The following SMG5 variants were observed in gnomAD, a reference collection of about 807,000 sequenced individuals.
The protein encoded by SMG5 is nonsense-mediated mRNA decay factor SMG5.
SMG5 carries 53 observed loss-of-function variants against 122.9 expected under a neutral mutation model. The observed-to-expected ratio is 0.43, with a 90% CI of 0.35 to 0.54. The LOEUF (loss-of-function observed/expected upper bound fraction) is 0.54. Ranked by LOEUF, SMG5 falls within the 20% of genes least tolerant of loss-of-function variation. The pLI, the probability that SMG5 is intolerant of heterozygous loss-of-function variation, is 0.01. For missense variants in SMG5, 1,153 were observed against 1,285.6 expected (o/e 0.90, Z 1.58); for synonymous variants, 477 against 490.2 (o/e 0.97, Z 0.35).
In SMG5 at chr1:156,267,509, T is replaced by C. The variant is rs1558239969; in HGVS notation, c.1078A>G (p.Ile360Val). 14 of 1,614,184 alleles carry C rather than the reference T, an allele frequency of 8.7e-6. No individual in the cohort carries two copies. The highest frequency in any genetic ancestry group is 1.2e-5 in the Non-Finnish European group (14 of 1,180,024). Residue 360 changes from isoleucine (I) to valine (V), a missense_variant, in exon 10 of 22, where the codon ATC becomes GTC. Ile to Val is a conservative substitution (Grantham distance 29). Transcript: ENST00000361813. ...CTGTGCACACACATAAGGCAGATGATGACCATTTGAAAGATGAGAAGGTCC... is the reference window on the plus strand; with the variant it reads ...CTGTGCACACACATAAGGCAGATGACGACCATTTGAAAGATGAGAAGGTCC... Reference protein sequence around the residue: ...LPDLLIFQMVIICLMCVHSLE... With the variant: ...LPDLLIFQMVVICLMCVHSLE...
At chr1:156,259,316 G>C (rs992283333) in intron 15 of SMG5, among the ~76,000 whole-genome samples, 153 bp from the exon 16 acceptor site, 1 of 151,990 alleles carries the variant, frequency 6.6e-6, no homozygotes, top group Non-Finnish European at 1.5e-5. Context: ...GGTCTATGGG[G>C]TGGGAAGGAG....
intron 20 of SMG5, 88 bp downstream of exon 20, chr1:156,251,315 A>G (rs879938333): frequency 2.4e-5 from 36 of 1,477,052 alleles, no homozygotes; most frequent in Non-Finnish European, 3.4e-5. Flanking sequence ...CCTCAGAATT[A>G]TCCAGCCCTA....
chr1:156,260,767 G>T, intron 14 of SMG5, 141 bp from the exon 15 acceptor site: 1 of 696,664 alleles, frequency 1.4e-6, no homozygotes, highest in Non-Finnish European at 2.2e-6. Context: ...AGAGATGGAG[G>T]GAGTGAAGTA....
In SMG5 at chr1:156,278,032, C is replaced by G. The variant is rs770015202; in HGVS notation, c.190G>C (p.Val64Leu). ...ACTGGGTGCAGGAACATAAGCTTGA[C>G]GCAGAGCTCACGCAGCCTGGAGGGT... is the stretch of plus-strand genomic sequence containing the variant. The part of the protein sequence containing the change: ...SLRNKLRELC[V>L]KLMFLHPVDY... Residue 64 changes from valine to leucine, a missense_variant, in exon 3 of 22, where the codon GTC (valine) becomes CTC (leucine). By Grantham distance (32) the Val-to-Leu change is conservative. Transcript: ENST00000361813. 6.2e-7 allele frequency: 1 copy of G among 1,613,960 alleles called. No homozygotes were observed. The highest frequency in any genetic ancestry group is 1.1e-5 in the South Asian group (1 of 91,092).
intron 4 of SMG5, among the ~76,000 whole-genome samples, chr1:156,274,908 G>A (rs528437024): frequency 6.6e-6 from 1 of 152,170 alleles, no homozygotes; most frequent in African/African-American, 2.4e-5. Flanking sequence ...TTCATTCATA[G>A]GACAGGAAGG....
chr1:156,264,286 A>AAG (rs1462862083), intron 12 of SMG5, among the ~76,000 whole-genome samples: 1 of 151,530 alleles, frequency 6.6e-6, no homozygotes, highest in Non-Finnish European at 1.5e-5. Context: ...AAAAAAAAAA[A>AAG]AAAAAAAGAG....
At chr1:156,254,817 C>T (rs978879452) in intron 16 of SMG5, among the ~76,000 whole-genome samples, 3 of 152,092 alleles carry the variant, frequency 2.0e-5, no homozygotes, top group East Asian at 1.9e-4. Context: ...TGGCCAGGCA[C>T]GGTGGCTCAC....
intron 20 of SMG5, 78 bp from the exon 21 acceptor site, chr1:156,251,074 C>CA: frequency 1.3e-6 from 2 of 1,560,234 alleles, no homozygotes. Flanking sequence ...CTCCAGGGGA[C>CA]AGGGGCAGCT....
chr1:156,249,611 C>T lies in SMG5; in HGVS notation c.*976G>A, dbSNP rs902425643. ...CAGCCCCTTCAGGTCTTCAGTCCTG[C>T]GGAAGGCAAAAGGAGGGACGGGGGC... On this transcript the variant is annotated 3_prime_UTR_variant, in exon 22 of 22. Transcript: ENST00000361813. The T allele has an allele frequency of 6.3e-5, 25 of 396,496 alleles. No homozygotes were observed. The highest frequency in any genetic ancestry group is 9.8e-5 in the Non-Finnish European group (19 of 193,574). 24.6% of individuals were successfully genotyped at this position (396,496 alleles called of 1,614,324 possible). A position where few individuals can be genotyped will look rare whatever the true frequency, so the allele number is the denominator to read the frequency against.
rs1258678328 is a variant in SMG5, at chr1:156,249,727, G to A, written c.*860C>T. 1 of 469,640 alleles carries A rather than the reference G, an allele frequency of 2.1e-6. No individual in the cohort carries two copies. The highest frequency in any genetic ancestry group is 4.4e-6 in the Non-Finnish European group (1 of 226,984). The allele number at this position is 469,640 out of a possible 1,614,324, so 29.1% of individuals were successfully genotyped here. On this transcript the variant is annotated 3_prime_UTR_variant, in exon 22 of 22. Coordinates refer to ENST00000361813, the MANE Select transcript of SMG5 (RefSeq NM_015327.3). ...TCAGCCCTCCCTTAGATAGGAAGGG[G>A]GGTGGTGGCCTCAGACTGCACCCCC...
the SMG5 span, among the ~76,000 whole-genome samples, chr1:156,288,146 C>T: frequency 2.5e-4 from 37 of 147,032 alleles, no homozygotes; most frequent in Admixed American, 4.1e-4. Context: ...ACCCGGGAGC[C>T]GAGATAGCGC....
chr1:156,286,347 G>A (rs751332618), upstream of SMG5: 40 of 1,614,062 alleles, frequency 2.5e-5, no homozygotes, highest in South Asian at 1.8e-4. Context: ...ATCCACCGGC[G>A]ATATGTGGCC....
intron 17 of SMG5, 41 bp from the exon 18 acceptor site, chr1:156,253,119 C>T: frequency 6.5e-7 from 1 of 1,533,282 alleles, no homozygotes; most frequent in South Asian, 1.2e-5. Flanking sequence ...GTGGGGGACC[C>T]CTGCAGCCGG....
upstream of SMG5, among the ~76,000 whole-genome samples, chr1:156,283,702 C>T (rs1399588542): frequency 1.3e-5 from 2 of 152,222 alleles, no homozygotes; most frequent in African/African-American, 2.4e-5. Flanking sequence ...CCACTATGCT[C>T]CTGGCTGCAG....
intron 18 of SMG5, 98 bp from the exon 19 acceptor site, chr1:156,252,602 C>A: frequency 7.7e-7 from 1 of 1,296,936 alleles, no homozygotes; most frequent in South Asian, 1.3e-5. Context: ...GTACACTCTT[C>A]AGGCAGAGAA....
chr1:156,269,532 C>T (rs1359869126), intron 7 of SMG5, among the ~76,000 whole-genome samples: 3 of 151,508 alleles, frequency 2.0e-5, no homozygotes, highest in Non-Finnish European at 2.9e-5. Context: ...GTCAGGAGTT[C>T]GAGATGAGCC....
Position 156,249,874 on chromosome 1 carries a change from C to T in SMG5, c.*713G>A, listed in dbSNP as rs1468640263. 1 of 471,118 alleles carries T rather than the reference C, an allele frequency of 2.1e-6. No homozygotes were observed. The highest frequency in any genetic ancestry group is 4.4e-6 in the Non-Finnish European group (1 of 227,064). The allele number at this position is 471,118 out of a possible 1,614,324, so 29.2% of individuals were successfully genotyped here. A position where few individuals can be genotyped will look rare whatever the true frequency, so the allele number is the denominator to read the frequency against. On this transcript the variant is annotated 3_prime_UTR_variant, in exon 22 of 22. Coordinates refer to ENST00000361813, the MANE Select transcript of SMG5 (RefSeq NM_015327.3). Reference sequence around the variant, plus strand: ...GGCACAGGCCAGACTGCCTGCAGCCCTAGGTGGGGCCTGCTCCCTGCCCTG... The same window carrying T: ...GGCACAGGCCAGACTGCCTGCAGCCTTAGGTGGGGCCTGCTCCCTGCCCTG...
chr1:156,253,702 T>G, intron 16 of SMG5, 194 bp from the exon 17 acceptor site: 2 of 615,732 alleles, frequency 3.2e-6, no homozygotes, highest in Middle Eastern at 3.9e-4. Flanking sequence ...CAACTTCCAT[T>G]ACCAACCCGA....
chr1:156,271,218 C>T (rs180688900), intron 7 of SMG5, among the ~76,000 whole-genome samples: 69 of 152,184 alleles, frequency 4.5e-4, no homozygotes, highest in African/African-American at 7.7e-4. Context: ...GGAATTATGA[C>T]GTACAATTAG....
Sources: allele counts gnomAD v4.1 joint callset (sites outside exome capture counted in the v4.1 genomes callset), GRCh38; gene constraint gnomAD v4.1.1; transcripts MANE v1.5; gene names NCBI Gene and HGNC (gene_info 2026-07-23, HGNC 2026-07-21).